Variants in ASIC2 observed in about 807,000 individuals in gnomAD.
ASIC2 encodes acid-sensing ion channel 2.
ASIC2 carries 25 observed loss-of-function variants against 57.3 expected under a neutral mutation model. The ratio of observed to expected loss-of-function variants is 0.44; its 90% confidence interval spans 0.32 to 0.61. ASIC2 has a LOEUF of 0.61. ASIC2 is among the 20% of genes least tolerant of loss of function. ASIC2 has a pLI of 0.06. For synonymous variants in ASIC2, 319 were observed against 307.5 expected (o/e 1.04, Z -0.39); for missense variants, 641 against 738.1 (o/e 0.87, Z 1.52).
At chr17:33,379,500 G>C (rs985888247) in intron 1 of ASIC2, among the ~76,000 whole-genome samples, 3 of 152,180 alleles carry the variant, frequency 2.0e-5, no homozygotes, top group Admixed American at 6.5e-5. Context: ...TTTTAAGGGG[G>C]TGAGGATTCC....
intron 1 of ASIC2, among the ~76,000 whole-genome samples, chr17:33,728,669 A>AC (rs1458705269): frequency 6.6e-6 from 1 of 152,130 alleles, no homozygotes; most frequent in Non-Finnish European, 1.5e-5. Flanking sequence ...GGGTCTGAGG[A>AC]CCCAGGAAAT....
intron 1 of ASIC2, among the ~76,000 whole-genome samples, chr17:33,464,540 C>CTTTTTCTTTCTT (rs59312185): frequency 2.0e-5 from 1 of 49,368 alleles, no homozygotes; most frequent in African/African-American, 8.0e-5. Flanking sequence ...TTCTTTCTTT[C>CTTTTTCTTTCTT]TCTTTCTTTC....
At chr17:33,434,950 T>A in intron 1 of ASIC2, among the ~76,000 whole-genome samples, 1 of 152,322 alleles carries the variant, frequency 6.6e-6, no homozygotes, top group East Asian at 1.9e-4. Context: ...ATTTATATTG[T>A]CTTTCTGAGA....
intron 1 of ASIC2, among the ~76,000 whole-genome samples, chr17:33,258,042 A>AT (rs1413244063): frequency 2.6e-5 from 4 of 152,174 alleles, no homozygotes; most frequent in Admixed American, 6.5e-5. Context: ...AAGTTATATG[A>AT]TTTTTTATGT....
intron 1 of ASIC2, among the ~76,000 whole-genome samples, chr17:33,475,702 T>G (rs893408907): frequency 6.6e-6 from 1 of 152,220 alleles, no homozygotes; most frequent in South Asian, 2.1e-4. Flanking sequence ...CCTCACTTTT[T>G]CAGTGTAACA....
At chr17:33,669,384 A>G (rs1907577077) in intron 1 of ASIC2, among the ~76,000 whole-genome samples, 2 of 152,230 alleles carry the variant, frequency 1.3e-5, no homozygotes, top group African/African-American at 2.4e-5. Context: ...CAGACCCAAA[A>G]CAGAGGTACT....
At chr17:33,079,671 G>GA (rs1449191366) in intron 3 of ASIC2, among the ~76,000 whole-genome samples, 1 of 152,046 alleles carries the variant, frequency 6.6e-6, no homozygotes, top group Admixed American at 6.5e-5. Flanking sequence ...TTATCTGGGT[G>GA]AAAAAAACAT....
At chr17:33,124,762 C>CTAT (rs904730587) in intron 1 of ASIC2, among the ~76,000 whole-genome samples, 1 of 152,112 alleles carries the variant, frequency 6.6e-6, no homozygotes, top group Non-Finnish European at 1.5e-5. Flanking sequence ...CACTTTATTT[C>CTAT]TATTATTATT....
intron 1 of ASIC2, among the ~76,000 whole-genome samples, chr17:33,522,902 A>C (rs1443643140): frequency 6.6e-6 from 1 of 152,090 alleles, no homozygotes; most frequent in East Asian, 1.9e-4. Context: ...GCTGCCCAGA[A>C]CAAAGGCCAG....
chr17:33,077,923 A>C (rs1456474567), intron 3 of ASIC2, among the ~76,000 whole-genome samples: 1 of 152,164 alleles, frequency 6.6e-6, no homozygotes, highest in Non-Finnish European at 1.5e-5. Context: ...TCAGTTGCCA[A>C]GAAAAAGATG....
intron 1 of ASIC2, among the ~76,000 whole-genome samples, chr17:34,146,249 A>G (rs1344084428): frequency 6.6e-6 from 1 of 152,156 alleles, no homozygotes. Context: ...CAGATTTTGA[A>G]AGTCCCAGGT....
chr17:33,816,380 C>A (rs1014835817), intron 1 of ASIC2, among the ~76,000 whole-genome samples: 2 of 152,182 alleles, frequency 1.3e-5, no homozygotes, highest in Non-Finnish European at 2.9e-5. Flanking sequence ...AAAACCCACA[C>A]TGTTAATGTC....
In ASIC2 at chr17:33,156,164, G is replaced by A. The variant is rs143384333; in HGVS notation, c.709-44097C>T. On this transcript the variant is annotated intron_variant, in intron 1 of 9. Coordinates refer to ENST00000225823, the MANE Select transcript of ASIC2 (RefSeq NM_183377.2). ...TTTTTTTTTAACCGAGTCTCACTCC[G>A]TTGCCCAGGCTGGAGTGCAGTGGCA... 4.3e-3 allele frequency among the ~76,000 whole-genome samples: 640 copies of A among 149,580 alleles called. 5 individuals carry two copies. The highest frequency in any genetic ancestry group is 0.015 in the African/African-American group (596 of 40,576).
intron 1 of ASIC2, among the ~76,000 whole-genome samples, chr17:33,594,347 G>A (rs1465634693): frequency 1.3e-5 from 2 of 152,202 alleles, no homozygotes; most frequent in Non-Finnish European, 2.9e-5. Flanking sequence ...GGGGATGGCT[G>A]GATCAGGTGC....
Position 33,028,326 on chromosome 17 carries a change from C to G in ASIC2, c.1054G>C (p.Val352Leu), listed in dbSNP as rs764834902. 1 of 1,613,632 alleles carries G rather than the reference C, an allele frequency of 6.2e-7. No homozygotes were observed. The highest frequency in any genetic ancestry group is 8.5e-7 in the Non-Finnish European group (1 of 1,179,630). ...ATCCTACAGGCGGTGATGCTGTAAA[C>G]AGGAAAAAAGTCGAGGCCCATCTCT... ...SSEMGLDFFP[V>L]YSITACRIDC... The change falls in exon 4 of 10, where the codon GTT becomes CTT. Residue 352 changes from valine (V) to leucine (L), a missense_variant. Val to Leu is a conservative substitution (Grantham distance 32). Transcript: ENST00000225823.
At chr17:33,923,542 T>C (rs1337665498) in intron 1 of ASIC2, among the ~76,000 whole-genome samples, 2 of 152,214 alleles carry the variant, frequency 1.3e-5, no homozygotes, top group Non-Finnish European at 2.9e-5. Context: ...ACAGCAGTTC[T>C]GCAAAATGCA....
intron 3 of ASIC2, among the ~76,000 whole-genome samples, chr17:33,062,780 T>C (rs1012323754): frequency 1.4e-4 from 21 of 152,314 alleles, no homozygotes; most frequent in African/African-American, 3.6e-4. Flanking sequence ...TCTCCCATTA[T>C]TATTGTATGG....
intron 1 of ASIC2, among the ~76,000 whole-genome samples, chr17:33,367,957 A>C (rs1469891838): frequency 1.3e-5 from 2 of 152,204 alleles, no homozygotes; most frequent in Admixed American, 6.5e-5. Flanking sequence ...ACTTCCACAC[A>C]AACTGACCAC....
At chr17:33,290,518 G>A (rs1297978908) in intron 1 of ASIC2, among the ~76,000 whole-genome samples, 2 of 152,234 alleles carry the variant, frequency 1.3e-5, no homozygotes, top group African/African-American at 4.8e-5. Flanking sequence ...TCCAACAGCT[G>A]CGTTATCCAG....
Sources: allele counts gnomAD v4.1 joint callset (sites outside exome capture counted in the v4.1 genomes callset), GRCh38; gene constraint gnomAD v4.1.1; transcripts MANE v1.5; gene names NCBI Gene and HGNC (gene_info 2026-07-23, HGNC 2026-07-21).